The following NBPF9 variants were observed in gnomAD, a reference collection of about 807,000 sequenced individuals.
NBPF9 encodes NBPF member 9.
In NBPF9, 91 loss-of-function variants were observed where a neutral mutation model predicts 97.8. The ratio of observed to expected loss-of-function variants is 0.93; its 90% confidence interval spans 0.79 to 1.11. The LOEUF is 1.11. Among genes scored for constraint, NBPF9 ranks in the 50% least tolerant of loss-of-function variants. The pLI, the probability that NBPF9 is intolerant of heterozygous loss-of-function variation, is 0.00. For missense variants in NBPF9, 992 were observed against 939.5 expected (o/e 1.06, Z -0.73); for synonymous variants, 334 against 359.5 (o/e 0.93, Z 0.80).
At chr1:149,086,745 C>A (rs1478557534) in intron 5 of NBPF9, among the ~76,000 whole-genome samples, 12 of 151,456 alleles carry the variant, frequency 7.9e-5, no homozygotes, top group Non-Finnish European at 1.6e-4. Context: ...AATTTCCAGG[C>A]CGTTTCCCTG....
intron 4 of NBPF9, among the ~76,000 whole-genome samples, chr1:149,092,988 C>T (rs1437671836): frequency 6.6e-6 from 1 of 151,742 alleles, no homozygotes; most frequent in African/African-American, 2.4e-5. Context: ...AAAATGGGCC[C>T]AGGGGACCGG....
chr1:149,082,880 CGCTAT>C (rs2080610735), intron 5 of NBPF9, among the ~76,000 whole-genome samples: 1 of 147,544 alleles, frequency 6.8e-6, no homozygotes, highest in Non-Finnish European at 1.5e-5. Flanking sequence ...CCCAGGTTCA[CGCTAT>C]TCTCCTGCCT....
At chr1:149,054,900 C>T (rs1473048258) in exon 30 of NBPF9, 2 of 150,764 alleles carry the variant, frequency 1.3e-5, no homozygotes, top group African/African-American at 2.4e-5. Flanking sequence ...CTATGAAACT[C>T]AGGCTAAGCG....
intron 5 of NBPF9, among the ~76,000 whole-genome samples, chr1:149,087,472 C>T (rs2081106725): frequency 2.0e-5 from 3 of 146,590 alleles, no homozygotes; most frequent in South Asian, 2.2e-4. Flanking sequence ...TTTTTTTTTT[C>T]AACAAAACAC....
intron 1 of NBPF9, 79 bp from the exon 2 acceptor site, chr1:149,102,926 G>A (rs368007990): frequency 6.6e-6 from 1 of 151,484 alleles, no homozygotes; most frequent in Non-Finnish European, 1.5e-5. Context: ...GAGTGGTCTC[G>A]CTTCTCAGGT....
At chr1:149,055,538 T>G in exon 30 of NBPF9, 2 of 1,564,986 alleles carry the variant, frequency 1.3e-6, no homozygotes, top group Admixed American at 1.8e-5. Flanking sequence ...AATAGAGCCA[T>G]GCCCACTGAC....
intron 16 of NBPF9, 28 bp downstream of exon 16, chr1:149,070,906 T>C (rs1553652763): frequency 6.2e-7 from 1 of 1,608,526 alleles, no homozygotes; most frequent in Admixed American, 1.7e-5. Context: ...TAGAGAGAGG[T>C]ATGAGACACA....
At chr1:149,076,089 C>T (rs1409150455) in intron 11 of NBPF9, among the ~76,000 whole-genome samples, 1 of 152,104 alleles carries the variant, frequency 6.6e-6, no homozygotes, top group Non-Finnish European at 1.5e-5. Context: ...ACTTTTCTTG[C>T]TTATACGTTT....
At chr1:149,095,789 A>G (rs1297585575) in intron 4 of NBPF9, among the ~76,000 whole-genome samples, 1 of 152,044 alleles carries the variant, frequency 6.6e-6, no homozygotes, top group African/African-American at 2.4e-5. Context: ...TAAAACACAA[A>G]ACGGTGAACA....
chr1:149,074,184 C>A (rs4125380), intron 12 of NBPF9, among the ~76,000 whole-genome samples: 2 of 151,490 alleles, frequency 1.3e-5, no homozygotes, highest in Non-Finnish European at 3.0e-5. Context: ...CTTTCCCAAG[C>A]TTTGCAGCCT....
intron 16 of NBPF9, among the ~76,000 whole-genome samples, chr1:149,070,316 A>G (rs1220705747): frequency 1.1e-5 from 1 of 87,310 alleles, no homozygotes; most frequent in African/African-American, 5.0e-5. Context: ...GCAAGACTCC[A>G]TCGCAAAAAA....
At chr1:149,082,952 C>CTTTTATTTTTTTTT (rs1175496893) in intron 5 of NBPF9, among the ~76,000 whole-genome samples, 1 of 60,984 alleles carries the variant, frequency 1.6e-5, no homozygotes, top group Non-Finnish European at 3.2e-5. Flanking sequence ...GCTAATTTTT[C>CTTTTATTTTTTTTT]TTTTCTTTTT....
chr1:149,056,199 C>T (rs2078229254), intron 29 of NBPF9, among the ~76,000 whole-genome samples: 1 of 150,028 alleles, frequency 6.7e-6, no homozygotes, highest in South Asian at 2.2e-4. Context: ...TTAGTGCCCT[C>T]ATGACACACA....
Position 149,054,285 on chromosome 1 carries a change from G to A in NBPF9, c.*1371C>T, listed in dbSNP as rs1428278343. ...AAAATTGAGACCCAAAATTTCCAGC[G>A]TAGAGATATGAATATAATAATAGAC... On this transcript the variant is annotated 3_prime_UTR_variant, in exon 30 of 30. Coordinates refer to ENST00000584027, the Ensembl canonical transcript of NBPF9. 10 of 111,488 alleles carry A rather than the reference G, an allele frequency of 9.0e-5. 1 individual carries two copies. The highest frequency in any genetic ancestry group is 2.0e-4 in the African/African-American group (6 of 30,192). 6.9% of individuals were successfully genotyped at this position (111,488 alleles called of 1,614,324 possible).
chr1:149,071,553 T>C, intron 15 of NBPF9, 51 bp downstream of exon 15: 1 of 906,894 alleles, frequency 1.1e-6, no homozygotes. Context: ...GCCTCCTAGA[T>C]ATTCCTCATA....
chr1:149,059,311 G>C, intron 25 of NBPF9: 2 of 482,814 alleles, frequency 4.1e-6, no homozygotes, highest in Non-Finnish European at 7.7e-6. Flanking sequence ...GACAGAGACA[G>C]AGAGAAAGTG....
At chr1:149,088,793 C>A (rs1386239974) in intron 5 of NBPF9, among the ~76,000 whole-genome samples, 2 of 152,002 alleles carry the variant, frequency 1.3e-5, no homozygotes, top group South Asian at 2.1e-4. Context: ...CTGAGGCAGG[C>A]GGATCACACT....
chr1:149,075,004 G>T (rs1185168332), intron 12 of NBPF9, among the ~76,000 whole-genome samples: 1 of 151,056 alleles, frequency 6.6e-6, no homozygotes, highest in Admixed American at 6.6e-5. Flanking sequence ...TGGAGATGGG[G>T]TTTCTCCATG....
At chr1:149,103,525 G>T (rs1401299148) in exon 1 of NBPF9, 1 of 152,400 alleles carries the variant, frequency 6.6e-6, no homozygotes, top group East Asian at 1.9e-4. Context: ...CGGCCAGCTG[G>T]ATCCTCAGGG....
Sources: allele counts gnomAD v4.1 joint callset (sites outside exome capture counted in the v4.1 genomes callset), GRCh38; gene constraint gnomAD v4.1.1; transcripts MANE v1.5; gene names NCBI Gene and HGNC (gene_info 2026-07-23, HGNC 2026-07-21).